Variants in LAMB4 observed in about 807,000 individuals in gnomAD.
The protein encoded by LAMB4 is laminin subunit beta 4.
A neutral mutation model predicts 199.2 loss-of-function variants in LAMB4; 196 were observed. The observed-to-expected ratio is 0.98, with a 90% confidence interval of 0.88 to 1.11. The LOEUF is 1.11. LAMB4 is among the 50% of genes least tolerant of loss of function. LAMB4 has a pLI of 0.00. For synonymous variants in LAMB4, 744 were observed against 770.6 expected (o/e 0.97, Z 0.57); for missense variants, 2,080 against 2,171.2 (o/e 0.96, Z 0.83).
intron 28 of LAMB4, 48 bp downstream of exon 28, chr7:108,047,860 C>T (rs1250735737): frequency 2.0e-5 from 30 of 1,498,130 alleles, no homozygotes; most frequent in Admixed American, 5.0e-5. Flanking sequence ...AAGCAGTCTG[C>T]TTCTTTATTG....
At chr7:108,032,288 G>A (rs535367137) in intron 31 of LAMB4, among the ~76,000 whole-genome samples, 2 of 152,100 alleles carry the variant, frequency 1.3e-5, no homozygotes, top group Non-Finnish European at 2.9e-5. Flanking sequence ...TACTCGGGAG[G>A]CTGAGGCAGG....
chr7:108,102,371 T>C (rs1377973315), intron 10 of LAMB4, among the ~76,000 whole-genome samples: 2 of 152,150 alleles, frequency 1.3e-5, no homozygotes, highest in African/African-American at 4.8e-5. Flanking sequence ...ATATTGTTCA[T>C]AGATAAAAAC....
chr7:108,070,563 G>T (rs527681842), intron 17 of LAMB4, among the ~76,000 whole-genome samples: 1 of 152,202 alleles, frequency 6.6e-6, no homozygotes, highest in Admixed American at 6.5e-5. Flanking sequence ...CCTTTGTGAT[G>T]ATCCACTTCC....
At chr7:108,122,112 C>T (rs2038620778) in intron 2 of LAMB4, among the ~76,000 whole-genome samples, 1 of 152,084 alleles carries the variant, frequency 6.6e-6, no homozygotes. Context: ...GAGAGGAGTC[C>T]CCTAATTGAG....
chr7:108,053,572 G>C (rs926409804), intron 25 of LAMB4, among the ~76,000 whole-genome samples: 1 of 152,220 alleles, frequency 6.6e-6, no homozygotes, highest in Non-Finnish European at 1.5e-5. Context: ...TTGTGTGGCT[G>C]TTAAAGAGAA....
At chr7:108,047,356 C>G (rs1285372737) in intron 28 of LAMB4, among the ~76,000 whole-genome samples, 1 of 152,114 alleles carries the variant, frequency 6.6e-6, no homozygotes, top group Non-Finnish European at 1.5e-5. Flanking sequence ...AGACCAACCC[C>G]TCTTCTTCCT....
chr7:108,065,196 G>A (rs766700152), intron 21 of LAMB4, among the ~76,000 whole-genome samples: 5 of 152,148 alleles, frequency 3.3e-5, no homozygotes, highest in African/African-American at 1.2e-4. Context: ...GATTACAGGT[G>A]TGAGCCACTG....
At position 108,065,864 on chromosome 7, in the gene LAMB4, G is replaced by A. The variant is rs528613501; in HGVS notation, c.2734C>T (p.Leu912=). 5 of 1,614,074 alleles carry A rather than the reference G, an allele frequency of 3.1e-6. No individual in the cohort carries two copies. In the East Asian group the frequency reaches 6.7e-5, roughly 22 times the overall value. Residue 912 remains leucine, a synonymous_variant, in exon 21 of 34, where the codon CTG becomes TTG. Transcript: ENST00000388781. The stretch of plus-strand genomic sequence containing the variant: ...TTGCTTGAGGGATCATCTGGACACA[G>A]GCAAGGACGACAGGGCTGTCCTGAA... The part of the protein sequence containing the change: ...PSSGQPCRPC[L]CPDDPSSNQY...
chr7:108,015,976 CAT>C, the LAMB4 span, among the ~76,000 whole-genome samples: 1 of 152,060 alleles, frequency 6.6e-6, no homozygotes, highest in East Asian at 1.9e-4. Context: ...AAATGTTTCA[CAT>C]GTCTCAAATA....
At chr7:108,024,682 G>A (rs1163313453) in intron 33 of LAMB4, among the ~76,000 whole-genome samples, 1 of 148,630 alleles carries the variant, frequency 6.7e-6, no homozygotes, top group Non-Finnish European at 1.5e-5. Context: ...TTGATCCGTC[G>A]ACCCATCCAT....
At chr7:108,022,202 T>C (rs2034708515), downstream of LAMB4, among the ~76,000 whole-genome samples, 2 of 152,248 alleles carry the variant, frequency 1.3e-5, no homozygotes, top group South Asian at 4.1e-4. Flanking sequence ...ATTCCTTTCC[T>C]GCTTAATAAG....
intron 10 of LAMB4, among the ~76,000 whole-genome samples, chr7:108,101,014 T>G (rs1217611434): frequency 6.6e-6 from 1 of 152,234 alleles, no homozygotes; most frequent in African/African-American, 2.4e-5. Flanking sequence ...TCTAGGACAT[T>G]GAATCTATTC....
intron 21 of LAMB4, among the ~76,000 whole-genome samples, chr7:108,065,524 T>C (rs1164045575): frequency 6.6e-6 from 1 of 152,244 alleles, no homozygotes; most frequent in East Asian, 1.9e-4. Flanking sequence ...TCAATTAGTT[T>C]TCTAGAACAT....
rs138213096 is a variant in LAMB4 at position 108,092,858 on chromosome 7, C to T, written c.1471-442G>A. Among the ~76,000 whole-genome samples the T allele has an allele frequency of 1.7e-3, 254 of 152,124 alleles. 1 individual carries two copies. Among genetic ancestry groups the T allele is most frequent in the African/African-American group, 5.9e-3 (243 of 41,490 alleles). ...GGTGGAGGCCAGAGTGAGCTGAGAT[C>T]GTGCCACTGTACTCCAGCCTGGATG... is the stretch of plus-strand genomic sequence containing the variant. On this transcript the variant is annotated intron_variant, in intron 12 of 33. Transcript: ENST00000388781.
At chr7:108,021,256 G>A (rs1636942), downstream of LAMB4, among the ~76,000 whole-genome samples, 31,536 of 152,072 alleles carry the variant, frequency 0.21, 7,690 homozygotes, top group African/African-American at 0.6. Context: ...GCTGAAGTGC[G>A]GAAGAAGTGG....
At chr7:108,018,668 G>GC (rs2034632428), downstream of LAMB4, among the ~76,000 whole-genome samples, 1 of 152,128 alleles carries the variant, frequency 6.6e-6, no homozygotes, top group African/African-American at 2.4e-5. Context: ...TCGCGCCACT[G>GC]CACTCCAGCC....
In LAMB4 at chr7:108,062,100, A is replaced by C. The variant is rs567368433; in HGVS notation, c.3282+674T>G. The stretch of plus-strand genomic sequence containing the variant: ...TTAAGCCAAAAGACAAAAACAAAAC[A>C]ACCACCAAAAAAACTAAGCATGTTA... On this transcript the variant is annotated intron_variant, in intron 23 of 33. Transcript: ENST00000388781. Among the ~76,000 whole-genome samples, 39 of 152,362 alleles carry C rather than the reference A, an allele frequency of 2.6e-4. No individual in the cohort carries two copies. In the East Asian group the frequency reaches 6.4e-3, roughly 25 times the overall value.
chr7:108,026,664 C>A (rs1317340288), intron 33 of LAMB4: 1 of 225,332 alleles, frequency 4.4e-6, no homozygotes, highest in African/African-American at 2.3e-5. Context: ...CCCACGCATG[C>A]TTTCTGTTTC....
chr7:108,066,927 G>A (rs1452092294), intron 19 of LAMB4, among the ~76,000 whole-genome samples: 1 of 150,834 alleles, frequency 6.6e-6, no homozygotes, highest in Non-Finnish European at 1.5e-5. Flanking sequence ...TATTAATATA[G>A]TATATATAAA....
Sources: gnomAD v4.1 joint callset for allele counts (sites outside exome capture counted in the v4.1 genomes callset) on GRCh38, gnomAD v4.1.1 for gene constraint, MANE v1.5 for transcripts, NCBI Gene and HGNC (gene_info 2026-07-23, HGNC 2026-07-21) for gene names.